USP53: variants seen among roughly 807,000 people sequenced by gnomAD.
USP53 encodes ubiquitin carboxyl-terminal hydrolase 53.
USP53 carries 71 observed loss-of-function variants against 94.9 expected under a neutral mutation model. The ratio of observed to expected loss-of-function variants is 0.75; its 90% confidence interval spans 0.62 to 0.91. The LOEUF (loss-of-function observed/expected upper bound fraction) is 0.91. Among genes scored for constraint, USP53 ranks in the 40% least tolerant of loss-of-function variants. The pLI is 0.00. For synonymous variants in USP53, 375 were observed against 422.7 expected (o/e 0.89, Z 1.39); for missense variants, 1,173 against 1,281.0 (o/e 0.92, Z 1.29).
At chr4:119,227,490 CG>C (rs1745458212) in intron 3 of USP53, among the ~76,000 whole-genome samples, 2 of 152,170 alleles carry the variant, frequency 1.3e-5, no homozygotes, top group South Asian at 4.1e-4. Context: ...ATTAGCCGGG[CG>C]TGGTGGCGGG....
chr4:119,278,159 A>C (rs2149445517), intron 17 of USP53, among the ~76,000 whole-genome samples: 1 of 146,518 alleles, frequency 6.8e-6, no homozygotes, highest in South Asian at 2.2e-4. Context: ...TTAGCTGGTG[A>C]TTTTGCTCGT....
chr4:119,251,492 A>G (rs978001163), intron 7 of USP53, among the ~76,000 whole-genome samples: 1 of 152,148 alleles, frequency 6.6e-6, no homozygotes, highest in African/African-American at 2.4e-5. Flanking sequence ...TGTCTTCCAC[A>G]ATGGTTGAAC....
At chr4:119,287,792 G>C (rs1321849254) in intron 17 of USP53, among the ~76,000 whole-genome samples, 3 of 152,186 alleles carry the variant, frequency 2.0e-5, no homozygotes, top group African/African-American at 7.2e-5. Flanking sequence ...AGTTTCATCA[G>C]AAGGAGATTT....
At chr4:119,238,884 G>GT (rs1208291863) in intron 4 of USP53, among the ~76,000 whole-genome samples, 2 of 152,076 alleles carry the variant, frequency 1.3e-5, no homozygotes, top group African/African-American at 2.4e-5. Context: ...ATGATTCTAT[G>GT]TAAGAAGGAT....
Position 119,271,293 on chromosome 4 carries a change from A to T in USP53, c.1436-3A>T. ...ATGTGTATCTTTAATTTTTTTTTTTAAGATTTGGTTGATGAAGACCTTTCA... is the reference window on the plus strand; with the variant it reads ...ATGTGTATCTTTAATTTTTTTTTTTTAGATTTGGTTGATGAAGACCTTTCA... On this transcript the variant is annotated splice_polypyrimidine_tract_variant and splice_region_variant and intron_variant, in intron 15 of 18. Coordinates refer to ENST00000692078, the MANE Select transcript of USP53 (RefSeq NM_001371395.1). 1 of 1,523,656 alleles carries T rather than the reference A, an allele frequency of 6.6e-7. No individual in the cohort carries two copies. Among genetic ancestry groups the T allele is most frequent in the African/African-American group, 1.4e-5 (1 of 71,280 alleles). The allele number at this position is 1,523,656 out of a possible 1,614,324, so 94.4% of individuals were successfully genotyped here. A position where few individuals can be genotyped will look rare whatever the true frequency, so the allele number is the denominator to read the frequency against.
At chr4:119,219,800 G>A (rs1744263775) in intron 3 of USP53, 1 of 152,172 alleles carries the variant, frequency 6.6e-6, no homozygotes, top group Admixed American at 6.5e-5. Flanking sequence ...TGATAGTCTT[G>A]TCTAGGGTAA....
At chr4:119,283,436 G>C (rs1478614754) in intron 17 of USP53, among the ~76,000 whole-genome samples, 1 of 151,894 alleles carries the variant, frequency 6.6e-6, no homozygotes, top group Non-Finnish European at 1.5e-5. Flanking sequence ...CAAAGGATAA[G>C]AAAAATGGTA....
chr4:119,223,191 T>G (rs1017684619), intron 3 of USP53, among the ~76,000 whole-genome samples: 1 of 152,160 alleles, frequency 6.6e-6, no homozygotes, highest in African/African-American at 2.4e-5. Flanking sequence ...TACACCAATA[T>G]TTTGAGTTGT....
Position 119,256,441 on chromosome 4 carries a change from T to G in USP53, c.487T>G (p.Cys163Gly). Residue 163 changes from cysteine (C) to glycine (G), a missense_variant and splice_region_variant, in exon 9 of 19, where the codon TGT becomes GGT. Coordinates refer to ENST00000692078, the MANE Select transcript of USP53 (RefSeq NM_001371395.1). ...QKFAMTLYEQ[C>G]VCRSCGASSD... is the part of the protein sequence containing the mutation. ...TAAACATATGTTTTTACCTATATAG[T>G]GTGTGTGTCGTAGCTGTGGAGCATC... 1.2e-6 allele frequency: 2 copies of G among 1,613,914 alleles called. No homozygotes were observed. Among genetic ancestry groups the G allele is most frequent in the Non-Finnish European group, 1.7e-6 (2 of 1,179,830 alleles).
chr4:119,253,809 A>G (rs1267186593), intron 7 of USP53, among the ~76,000 whole-genome samples: 2 of 152,198 alleles, frequency 1.3e-5, no homozygotes, highest in East Asian at 3.8e-4. Context: ...GTTTCTTCAT[A>G]GCGTCAATGG....
In USP53 at chr4:119,234,519, C is replaced by T. The variant is rs963389666; in HGVS notation, c.-664-771C>T. On this transcript the variant is annotated intron_variant, in intron 3 of 18. Coordinates refer to ENST00000692078, the MANE Select transcript of USP53 (RefSeq NM_001371395.1). ...TTAAGGGTAGTGATTTTTACATATA[C>T]GCTAAAGTGTATATAAAAATAGTTC... Among the ~76,000 whole-genome samples the T allele has an allele frequency of 7.2e-5, 11 of 152,168 alleles. No individual in the cohort carries two copies. The East Asian group carries it at 7.7e-4, about 11-fold the overall frequency.
chr4:119,236,154 TG>T (rs1210044909), intron 4 of USP53, among the ~76,000 whole-genome samples: 6 of 152,238 alleles, frequency 3.9e-5, no homozygotes, highest in Admixed American at 3.9e-4. Flanking sequence ...TAAAGCAAGT[TG>T]CAGGAATTTT....
intron 6 of USP53, among the ~76,000 whole-genome samples, chr4:119,245,791 C>T (rs1460849001): frequency 6.6e-6 from 1 of 152,126 alleles, no homozygotes. Flanking sequence ...TCCCTCTTCT[C>T]ATAGAGCTTG....
intron 5 of USP53, among the ~76,000 whole-genome samples, chr4:119,242,206 T>G (rs112853708): frequency 1.1e-4 from 17 of 152,280 alleles, no homozygotes; most frequent in African/African-American, 3.1e-4. Flanking sequence ...AGTTACTTTT[T>G]TTGTTGTTGT....
intron 9 of USP53, among the ~76,000 whole-genome samples, chr4:119,257,916 T>C (rs760263234): frequency 6.6e-6 from 1 of 152,230 alleles, no homozygotes; most frequent in Non-Finnish European, 1.5e-5. Flanking sequence ...GAAATGACAG[T>C]GTTCTGAGGC....
At chr4:119,236,818 C>T (rs1746831842) in intron 4 of USP53, among the ~76,000 whole-genome samples, 1 of 152,176 alleles carries the variant, frequency 6.6e-6, no homozygotes. Context: ...GAATCATTAA[C>T]CAAATATCCT....
At chr4:119,233,784 C>T (rs1157711531) in intron 3 of USP53, among the ~76,000 whole-genome samples, 1 of 152,098 alleles carries the variant, frequency 6.6e-6, no homozygotes, top group Non-Finnish European at 1.5e-5. Context: ...CTCATACTCT[C>T]CAAGTGTCTG....
chr4:119,257,200 G>A (rs1749883968), intron 9 of USP53, among the ~76,000 whole-genome samples: 1 of 152,144 alleles, frequency 6.6e-6, no homozygotes, highest in South Asian at 2.1e-4. Context: ...CTAGTACATT[G>A]GGAGGCCAAG....
intron 5 of USP53, among the ~76,000 whole-genome samples, chr4:119,242,788 A>G (rs939084381): frequency 1.3e-4 from 20 of 152,206 alleles, no homozygotes; most frequent in African/African-American, 4.6e-4. Context: ...ACAAATGTTG[A>G]TTTGCAATTC....
Sources: gnomAD v4.1 joint callset for allele counts (sites outside exome capture counted in the v4.1 genomes callset) on GRCh38, gnomAD v4.1.1 for gene constraint, MANE v1.5 for transcripts, NCBI Gene and HGNC (gene_info 2026-07-23, HGNC 2026-07-21) for gene names.